MYRIP: variants seen among roughly 807,000 people sequenced by gnomAD.
MYRIP encodes the protein myosin VIIA and Rab interacting protein.
Under a neutral mutation model 98.0 loss-of-function variants are expected in MYRIP, and 49 were observed. The observed-to-expected ratio is 0.50, with a 90% CI of 0.40 to 0.63. The LOEUF (loss-of-function observed/expected upper bound fraction) is 0.63. Among genes scored for constraint, MYRIP ranks in the 30% least tolerant of loss-of-function variants. The probability of loss-of-function intolerance (pLI) is 0.00; values close to 1 mark genes in which losing one functional copy is unlikely to be tolerated. For synonymous variants in MYRIP, 404 were observed against 409.5 expected, an observed-to-expected ratio of 0.99 and a Z score of 0.16; for missense variants, 1,004 against 1,058.2, an observed-to-expected ratio of 0.95 and a Z score of 0.71.
chr3:40,040,635 A>T (rs1200371045), intron 2 of MYRIP, among the ~76,000 whole-genome samples: 19 of 69,324 alleles, frequency 2.7e-4, no homozygotes, highest in Non-Finnish European at 4.3e-4. Flanking sequence ...TACAACATGG[A>T]ATACTATGCA....
intron 12 of MYRIP, among the ~76,000 whole-genome samples, chr3:40,240,332 C>T (rs1341342287): frequency 2.0e-5 from 3 of 152,162 alleles, no homozygotes; most frequent in East Asian, 1.9e-4. Context: ...CAGCTCCCAG[C>T]GTGAGCGATG....
chr3:39,926,787 G>A (rs1944429207), intron 2 of MYRIP, among the ~76,000 whole-genome samples: 1 of 151,918 alleles, frequency 6.6e-6, no homozygotes, highest in Non-Finnish European at 1.5e-5. Flanking sequence ...TGTTCTTTTT[G>A]CTTAGGAATG....
chr3:39,841,646 G>T (rs1052870346), intron 1 of MYRIP, among the ~76,000 whole-genome samples: 1 of 151,978 alleles, frequency 6.6e-6, no homozygotes, highest in African/African-American at 2.4e-5. Context: ...TGTGCCATTG[G>T]GGTCCTTTTT....
At chr3:39,927,298 T>A (rs1333374280) in intron 2 of MYRIP, among the ~76,000 whole-genome samples, 2 of 152,080 alleles carry the variant, frequency 1.3e-5, no homozygotes, top group Admixed American at 6.6e-5. Flanking sequence ...TTTCTTTTCC[T>A]ATGTGGATAC....
chr3:39,996,225 GAC>G (rs1301846015), intron 2 of MYRIP, among the ~76,000 whole-genome samples: 1 of 152,144 alleles, frequency 6.6e-6, no homozygotes, highest in Non-Finnish European at 1.5e-5. Flanking sequence ...CCAATTAAAA[GAC>G]ACAGACTGGC....
chr3:39,919,727 TGAGAGAGA>T (rs71091779), intron 2 of MYRIP, among the ~76,000 whole-genome samples: 8 of 123,384 alleles, frequency 6.5e-5, no homozygotes, highest in Admixed American at 5.3e-4. Flanking sequence ...TGTGTGTGTG[TGAGAGAGA>T]GAGAGAGAGA....
rs939901963 is a variant in MYRIP, at chr3:39,892,395, C to T, written c.-30-8392C>T. Reference sequence around the variant, plus strand: ...GGTCATCTTGGATATTGGATGGCAGCAGTTGCTACTCCCTAAGGCAGAGGC... The same window carrying T: ...GGTCATCTTGGATATTGGATGGCAGTAGTTGCTACTCCCTAAGGCAGAGGC... On this transcript the variant is annotated intron_variant, in intron 1 of 16. Coordinates refer to ENST00000302541, the MANE Select transcript of MYRIP (RefSeq NM_015460.4). 1.4e-4 allele frequency among the ~76,000 whole-genome samples: 21 copies of T among 152,310 alleles called. 1 individual carries two copies. The Middle Eastern group carries it at 0.017, about 123-fold the overall frequency.
intron 2 of MYRIP, among the ~76,000 whole-genome samples, chr3:40,008,793 C>G (rs146673069): frequency 2.6e-4 from 40 of 152,180 alleles, no homozygotes; most frequent in Non-Finnish European, 5.3e-4. Context: ...TGAAAGAACA[C>G]GAAGTCAAAA....
chr3:39,865,509 G>A (rs1942593721), intron 1 of MYRIP, among the ~76,000 whole-genome samples: 1 of 152,094 alleles, frequency 6.6e-6, no homozygotes, highest in Non-Finnish European at 1.5e-5. Flanking sequence ...TAAAAGGTAG[G>A]CGAAGGATAT....
chr3:39,957,392 G>A (rs148849532), intron 2 of MYRIP, among the ~76,000 whole-genome samples: 3,191 of 149,208 alleles, frequency 0.021, 181 homozygotes, highest in African/African-American at 0.079. Context: ...ATCAATAAAC[G>A]TAATCCATCA....
chr3:40,034,696 C>T (rs1947337796), intron 2 of MYRIP, among the ~76,000 whole-genome samples: 1 of 150,902 alleles, frequency 6.6e-6, no homozygotes, highest in South Asian at 2.1e-4. Context: ...CTAGAAATAC[C>T]ATTTGACCCA....
intron 8 of MYRIP, among the ~76,000 whole-genome samples, chr3:40,180,036 T>C (rs2125613710): frequency 6.6e-6 from 1 of 152,332 alleles, no homozygotes; most frequent in East Asian, 1.9e-4. Context: ...TACCTAGCCC[T>C]GTGAAAACCT....
intron 1 of MYRIP, among the ~76,000 whole-genome samples, chr3:39,833,161 G>A (rs1168156261): frequency 2.0e-5 from 3 of 152,134 alleles, no homozygotes; most frequent in Non-Finnish European, 4.4e-5. Flanking sequence ...AACAACAACA[G>A]GAACACCTAC....
chr3:39,944,230 C>G (rs995608875), intron 2 of MYRIP, among the ~76,000 whole-genome samples: 1 of 152,034 alleles, frequency 6.6e-6, no homozygotes, highest in Non-Finnish European at 1.5e-5. Flanking sequence ...CAGGAATTAT[C>G]CTACAGATGT....
chr3:39,855,980 G>A (rs1942279353), intron 1 of MYRIP, among the ~76,000 whole-genome samples: 1 of 152,134 alleles, frequency 6.6e-6, no homozygotes, highest in Non-Finnish European at 1.5e-5. Context: ...GGCTTGAGCT[G>A]GAGACTGGGA....
intron 3 of MYRIP, among the ~76,000 whole-genome samples, chr3:40,079,985 TTTATTG>T (rs1255762761): frequency 6.6e-6 from 1 of 152,218 alleles, no homozygotes; most frequent in Non-Finnish European, 1.5e-5. Flanking sequence ...TTTCTCTTGT[TTTATTG>T]CCCTGGCTAA....
intron 1 of MYRIP, among the ~76,000 whole-genome samples, chr3:39,875,026 A>T (rs1559504696): frequency 6.6e-6 from 1 of 152,064 alleles, no homozygotes; most frequent in African/African-American, 2.4e-5. Flanking sequence ...GGATACTGTT[A>T]TTGGTCTATT....
chr3:40,218,051 GA>G (rs955186827), intron 11 of MYRIP, among the ~76,000 whole-genome samples: 4 of 151,834 alleles, frequency 2.6e-5, no homozygotes, highest in Non-Finnish European at 4.4e-5. Context: ...AAAATATAAA[GA>G]AAAAATTATA....
intron 11 of MYRIP, among the ~76,000 whole-genome samples, chr3:40,212,397 C>T (rs1400862469): frequency 2.0e-5 from 3 of 150,828 alleles, no homozygotes; most frequent in Admixed American, 6.6e-5. Flanking sequence ...TAAAGAAAAA[C>T]AGAAATATAG....
Sources: allele counts gnomAD v4.1 joint callset (sites outside exome capture counted in the v4.1 genomes callset), GRCh38; gene constraint gnomAD v4.1.1; transcripts MANE v1.5; gene names NCBI Gene and HGNC (gene_info 2026-07-23, HGNC 2026-07-21).